The following MPRIP variants were observed in gnomAD, a reference collection of about 807,000 sequenced individuals.
MPRIP encodes myosin phosphatase Rho interacting protein, also known as myosin phosphatase Rho-interacting protein.
MPRIP carries 59 observed loss-of-function variants against 234.9 expected under a neutral mutation model. The ratio of observed to expected loss-of-function variants is 0.25; its 90% confidence interval spans 0.20 to 0.31. MPRIP has a LOEUF of 0.31. Among genes scored for constraint, MPRIP ranks in the 10% least tolerant of loss-of-function variants. The probability of loss-of-function intolerance (pLI) is 1.00; values close to 1 mark genes in which losing one functional copy is unlikely to be tolerated. For missense variants in MPRIP, 2,436 were observed against 3,071.0 expected, an observed-to-expected ratio of 0.79 and a Z score of 4.89; for synonymous variants, 1,144 against 1,263.9, an observed-to-expected ratio of 0.91 and a Z score of 2.01.
intron 19 of MPRIP, among the ~76,000 whole-genome samples, chr17:17,174,608 G>A (rs140575634): frequency 0.031 from 4,775 of 152,244 alleles, 130 homozygotes; most frequent in Middle Eastern, 0.12. Context: ...AGGCCAAGAC[G>A]GGCGGATCAC....
intron 12 of MPRIP, among the ~76,000 whole-genome samples, chr17:17,153,493 T>A (rs1396486657): frequency 6.6e-6 from 1 of 151,816 alleles, no homozygotes; most frequent in East Asian, 2.0e-4. Flanking sequence ...AGGGGCGCAG[T>A]GGTCATGTCC....
At chr17:17,121,439 G>A (rs2090386477) in intron 3 of MPRIP, among the ~76,000 whole-genome samples, 1 of 152,254 alleles carries the variant, frequency 6.6e-6, no homozygotes, top group Non-Finnish European at 1.5e-5. Context: ...TTGTCTGCGG[G>A]ATGAGAGTGA....
At chr17:17,180,532 C>T (rs921273157) in intron 23 of MPRIP, 28 of 1,334,576 alleles carry the variant, frequency 2.1e-5, no homozygotes, top group African/African-American at 8.7e-5. Context: ...CACAGGAGGG[C>T]GGGCGGAGGT....
At chr17:17,064,234 C>G (rs921654458) in intron 1 of MPRIP, among the ~76,000 whole-genome samples, 2 of 147,008 alleles carry the variant, frequency 1.4e-5, no homozygotes, top group Non-Finnish European at 3.0e-5. Context: ...TGGAGTCTAT[C>G]TCTGTTGCCC....
chr17:17,058,478 G>T (rs940457390), intron 1 of MPRIP, among the ~76,000 whole-genome samples: 2 of 149,628 alleles, frequency 1.3e-5, no homozygotes, highest in Non-Finnish European at 3.0e-5. Flanking sequence ...CTCCAGGGCC[G>T]TGGGGAGTGG....
At position 17,164,200 on chromosome 17, in the gene MPRIP, G is replaced by A. The variant is rs963440776; in HGVS notation, c.2609G>A (p.Arg870His). Residue 870 changes from arginine (R) to histidine (H), a missense_variant, in exon 16 of 24, where the codon CGC (arginine) becomes CAC (histidine). Arg to His is a conservative substitution (Grantham distance 29, BLOSUM62 0). Transcript: ENST00000651222. ...LQSELEAQCQ[R>H]QELITHQIQT... is the part of the protein sequence containing the mutation. ...AGTGAGCTTGAAGCCCAGTGCCAGC[G>A]CCAGGAGCTGATTACACACCAGATT... is the stretch of plus-strand genomic sequence containing the variant. The A allele has an allele frequency of 1.1e-5, 14 of 1,304,240 alleles. No homozygotes were observed. Among genetic ancestry groups the A allele is most frequent in the Middle Eastern group, 2.1e-4 (1 of 4,720 alleles). 80.8% of individuals were successfully genotyped at this position (1,304,240 alleles called of 1,614,324 possible). A position where few individuals can be genotyped will look rare whatever the true frequency, so the allele number is the denominator to read the frequency against.
chr17:17,157,843 C>T (rs1296682916), intron 13 of MPRIP, among the ~76,000 whole-genome samples: 1 of 149,518 alleles, frequency 6.7e-6, no homozygotes, highest in Non-Finnish European at 1.5e-5. Context: ...AAAAAAAAAA[C>T]AAAACATAGA....
intron 16 of MPRIP, chr17:17,168,211 G>A (rs1301729650): frequency 2.3e-5 from 7 of 299,238 alleles, no homozygotes; most frequent in Admixed American, 1.9e-4. Flanking sequence ...CGGCCTCTCC[G>A]TGTTCCTGAG....
At chr17:17,099,599 T>C (rs913457143) in intron 3 of MPRIP, among the ~76,000 whole-genome samples, 1 of 152,148 alleles carries the variant, frequency 6.6e-6, no homozygotes, top group Non-Finnish European at 1.5e-5. Flanking sequence ...TGGTGGTGCA[T>C]ACCTATAGTC....
chr17:17,092,881 C>T (rs1319278829), intron 3 of MPRIP, among the ~76,000 whole-genome samples: 1 of 152,148 alleles, frequency 6.6e-6, no homozygotes, highest in African/African-American at 2.4e-5. Context: ...GCGCCCCGGC[C>T]ACACCAGGGG....
rs571009747 is a variant in MPRIP at position 17,045,032 on chromosome 17, C to T, written c.123+2061C>T. 2.6e-5 allele frequency among the ~76,000 whole-genome samples: 4 copies of T among 152,182 alleles called. No homozygotes were observed. The East Asian group carries it at 7.7e-4, about 29-fold the overall frequency. On this transcript the variant is annotated intron_variant, in intron 1 of 23. Coordinates refer to ENST00000651222, the MANE Select transcript of MPRIP (RefSeq NM_001364716.4). The stretch of plus-strand genomic sequence containing the variant: ...CTTCTCTGCTGCTCTCTGCATCCGG[C>T]CCTCCCTCTCACTCTCATCCTTATG...
chr17:17,048,842 A>G (rs1383571185), intron 1 of MPRIP, among the ~76,000 whole-genome samples: 1 of 152,222 alleles, frequency 6.6e-6, no homozygotes, highest in Admixed American at 6.5e-5. Context: ...ATATGCCAAG[A>G]AGAATTGAGG....
chr17:17,131,622 T>G lies in MPRIP; in HGVS notation c.425T>G (p.Leu142Arg). 1.2e-6 allele frequency: 2 copies of G among 1,614,088 alleles called. No homozygotes were observed. The highest frequency in any genetic ancestry group is 1.7e-6 in the Non-Finnish European group (2 of 1,179,954). ...GTCTCCTTTTCTCTTCCCAGGTGGC[T>G]GGAGATGCTCATGGTCTATCCCCGG... ...AETKEIVSGW[L>R]EMLMVYPRTN... Residue 142 changes from leucine to arginine, a missense_variant, in exon 5 of 24, where the codon CTG (leucine) becomes CGG (arginine). By Grantham distance (102) the Leu-to-Arg change is moderately radical. Around this residue, in one of 4 missense-constraint regions of MPRIP, gnomAD observed 140 missense variants for 207.3 expected, o/e 0.68. Coordinates refer to ENST00000651222, the MANE Select transcript of MPRIP (RefSeq NM_001364716.4).
rs940797459 is a variant in MPRIP at position 17,190,665 on chromosome 17, T to C, written c.*5771T>C. On this transcript the variant is annotated 3_prime_UTR_variant, in exon 24 of 24. Transcript: ENST00000651222. ...AAGACATCTCCCTTCTCTGAAATCC[T>C]TCAACAAAAGAAAAGGCTCTTGGCA... The C allele has an allele frequency of 6.6e-6, 1 of 152,240 alleles. No individual in the cohort carries two copies. The highest frequency in any genetic ancestry group is 2.4e-5 in the African/African-American group (1 of 41,460). The allele number at this position is 152,240 out of a possible 1,614,324, so 9.4% of individuals were successfully genotyped here. A position where few individuals can be genotyped will look rare whatever the true frequency, so the allele number is the denominator to read the frequency against.
In MPRIP at chr17:17,090,114, G is replaced by A. The variant is rs140991655; in HGVS notation, c.267+12038G>A. Among the ~76,000 whole-genome samples the A allele has an allele frequency of 1.8e-4, 28 of 152,340 alleles. No homozygotes were observed. The East Asian group carries it at 5.2e-3, about 28-fold the overall frequency. On this transcript the variant is annotated intron_variant, in intron 3 of 23. Coordinates refer to ENST00000651222, the MANE Select transcript of MPRIP (RefSeq NM_001364716.4). ...GTGAGACTGGTTTTGTGTTTCTCACGTGTGAGGTGCAGACAGGCATGGTGT... is the reference window on the plus strand; with the variant it reads ...GTGAGACTGGTTTTGTGTTTCTCACATGTGAGGTGCAGACAGGCATGGTGT...
rs55792503 is a variant in MPRIP at position 17,185,243 on chromosome 17, A to T, written c.*349A>T. 10,365 of 338,592 alleles carry T rather than the reference A, an allele frequency of 0.031. 872 individuals carry two copies. Among genetic ancestry groups the T allele is most frequent in the African/African-American group, 0.19 (8,953 of 46,472 alleles). The allele number at this position is 338,592 out of a possible 1,614,324, so 21.0% of individuals were successfully genotyped here. A position where few individuals can be genotyped will look rare whatever the true frequency, so the allele number is the denominator to read the frequency against. The stretch of plus-strand genomic sequence containing the variant: ...GCCTGTTGATAAGCTACCCTGTCTC[A>T]CCATGTGCTGGTGTGGAAACGGGGC... On this transcript the variant is annotated 3_prime_UTR_variant, in exon 24 of 24. Coordinates refer to ENST00000651222, the MANE Select transcript of MPRIP (RefSeq NM_001364716.4).
Position 17,126,812 on chromosome 17 carries a change from G to T in MPRIP, c.378G>T (p.Lys126Asn), listed in dbSNP as rs1376300643. 6.2e-7 allele frequency: 1 copy of T among 1,614,210 alleles called. No individual in the cohort carries two copies. Among genetic ancestry groups the T allele is most frequent in the South Asian group, 1.1e-5 (1 of 91,088 alleles). Residue 126 changes from lysine to asparagine, a missense_variant, in exon 4 of 24, where the codon AAG (lysine) becomes AAT (asparagine). Around this residue, in one of 4 missense-constraint regions of MPRIP, gnomAD observed 140 missense variants for 207.3 expected, o/e 0.68. Transcript: ENST00000651222. ...KFSLCILTPE[K>N]EHFIRAETKE... ...CCCTGTGTATTCTGACGCCTGAGAA[G>T]GAGCATTTCATCCGGGCGGAGACCA...
chr17:17,142,745 A>C lies in MPRIP; in HGVS notation c.1369A>C (p.Arg457=), dbSNP rs1198637293. The C allele has an allele frequency of 1.2e-6, 2 of 1,612,448 alleles. No homozygotes were observed. Among genetic ancestry groups the C allele is most frequent in the African/African-American group, 2.7e-5 (2 of 74,872 alleles). Residue 457 remains arginine, a synonymous_variant, in exon 8 of 24, where the codon AGG becomes CGG. Transcript: ENST00000651222. ...SDTRQGRSEK[R]AFPRKRDFTN... ...CACACGCCAGGGCCGCAGCGAGAAGAGGGCGTTCCCTAGGAAGCGGGTGAG... is the reference window on the plus strand; with the variant it reads ...CACACGCCAGGGCCGCAGCGAGAAGCGGGCGTTCCCTAGGAAGCGGGTGAG...
intron 17 of MPRIP, 21 bp from the exon 18 acceptor site, chr17:17,172,677 A>T: frequency 6.2e-7 from 1 of 1,601,224 alleles, no homozygotes; most frequent in South Asian, 1.1e-5. Context: ...CTCGGTGCTG[A>T]GGCCGTGTCC....
Sources: gnomAD v4.1 joint callset for allele counts (sites outside exome capture counted in the v4.1 genomes callset) on GRCh38, gnomAD v4.1.1 for gene constraint, gnomAD v4.1.1 regional missense constraint, MANE v1.5 for transcripts, NCBI Gene and HGNC (gene_info 2026-07-23, HGNC 2026-07-21) for gene names.